The following RIT2 variants were observed in gnomAD, a reference collection of about 807,000 sequenced individuals.
RIT2 encodes GTP-binding protein Rit2.
A neutral mutation model predicts 23.7 loss-of-function variants in RIT2; 24 were observed. The ratio of observed to expected loss-of-function variants is 1.01; its 90% CI spans 0.73 to 1.43. RIT2 has a LOEUF of 1.43. Ranked by LOEUF, RIT2 falls within the 40% of genes most tolerant of loss-of-function variation. RIT2 has a pLI of 0.00. For missense variants in RIT2, 236 were observed against 266.9 expected, an observed-to-expected ratio of 0.88 and a Z score of 0.81; for synonymous variants, 107 against 91.1, an observed-to-expected ratio of 1.17 and a Z score of -0.99.
chr18:42,884,351 A>T (rs1486683677), intron 4 of RIT2, among the ~76,000 whole-genome samples: 1 of 152,238 alleles, frequency 6.6e-6, no homozygotes, highest in Non-Finnish European at 1.5e-5. Flanking sequence ...CATAACTATG[A>T]CAAACCCAAG....
intron 4 of RIT2, among the ~76,000 whole-genome samples, chr18:42,820,911 C>T (rs1488942453): frequency 4.6e-5 from 7 of 152,086 alleles, no homozygotes; most frequent in Non-Finnish European, 8.8e-5. Context: ...GTTTGGATAA[C>T]TGGGGTGGAT....
chr18:42,769,285 T>C (rs146667506), intron 4 of RIT2, among the ~76,000 whole-genome samples: 47 of 152,336 alleles, frequency 3.1e-4, no homozygotes, highest in African/African-American at 1.1e-3. Context: ...TGACTTTATT[T>C]TTTTAAACTT....
At chr18:42,942,583 C>G (rs1909630073) in intron 3 of RIT2, among the ~76,000 whole-genome samples, 1 of 152,060 alleles carries the variant, frequency 6.6e-6, no homozygotes, top group Admixed American at 6.6e-5. Flanking sequence ...TGCACATTCT[C>G]CCCATGTCCA....
chr18:43,069,541 T>C (rs916587796), intron 1 of RIT2, among the ~76,000 whole-genome samples: 9 of 152,184 alleles, frequency 5.9e-5, no homozygotes, highest in African/African-American at 1.9e-4. Flanking sequence ...GTCTCTACCA[T>C]GTTACCAACC....
chr18:43,092,725 A>G (rs1349628345), intron 1 of RIT2, among the ~76,000 whole-genome samples: 2 of 152,080 alleles, frequency 1.3e-5, no homozygotes, highest in African/African-American at 4.8e-5. Context: ...ACAGTTTCTC[A>G]ATATCAAGTA....
intron 3 of RIT2, among the ~76,000 whole-genome samples, chr18:42,973,257 A>ATATTT (rs1910402728): frequency 6.6e-6 from 1 of 151,644 alleles, no homozygotes; most frequent in Admixed American, 6.6e-5. Flanking sequence ...TTGATATCTG[A>ATATTT]TATTTTGATA....
At chr18:42,989,122 T>C (rs1271100391) in intron 2 of RIT2, among the ~76,000 whole-genome samples, 1 of 152,196 alleles carries the variant, frequency 6.6e-6, no homozygotes, top group African/African-American at 2.4e-5. Flanking sequence ...TGGACAATCC[T>C]TAATTTGTCA....
intron 4 of RIT2, among the ~76,000 whole-genome samples, chr18:42,841,773 G>A (rs1173849307): frequency 6.6e-6 from 1 of 152,106 alleles, no homozygotes; most frequent in African/African-American, 2.4e-5. Flanking sequence ...ATGCTTCCAT[G>A]ATTGTACAAG....
At chr18:42,803,635 T>C (rs1168126385) in intron 4 of RIT2, among the ~76,000 whole-genome samples, 1 of 152,212 alleles carries the variant, frequency 6.6e-6, no homozygotes, top group Non-Finnish European at 1.5e-5. Flanking sequence ...CCTTGGCAAC[T>C]CCACCTAATT....
intron 4 of RIT2, among the ~76,000 whole-genome samples, chr18:42,818,419 G>A (rs193234522): frequency 1.3e-5 from 2 of 152,136 alleles, no homozygotes; most frequent in African/African-American, 4.8e-5. Context: ...CACACATAAA[G>A]CAATTAGAAC....
chr18:43,076,337 C>T (rs905356592), intron 1 of RIT2, among the ~76,000 whole-genome samples: 2 of 151,950 alleles, frequency 1.3e-5, no homozygotes, highest in South Asian at 2.1e-4. Context: ...GTATTCTTTC[C>T]GTTAAATTGA....
At chr18:42,750,080 T>C (rs1339343572) in intron 4 of RIT2, among the ~76,000 whole-genome samples, 1 of 151,818 alleles carries the variant, frequency 6.6e-6, no homozygotes, top group African/African-American at 2.4e-5. Flanking sequence ...CTTACAAACA[T>C]AACAATGCTG....
chr18:42,879,840 C>T (rs1241541300), intron 4 of RIT2, among the ~76,000 whole-genome samples: 7 of 151,962 alleles, frequency 4.6e-5, no homozygotes, highest in Admixed American at 3.9e-4. Flanking sequence ...TTGCAGGCTT[C>T]GATTATGACA....
At chr18:42,790,856 G>A (rs1399754528) in intron 4 of RIT2, among the ~76,000 whole-genome samples, 1 of 152,202 alleles carries the variant, frequency 6.6e-6, no homozygotes, top group Non-Finnish European at 1.5e-5. Context: ...CAAAGAAGCT[G>A]AGACATTGTT....
At chr18:42,780,297 G>T (rs1180197912) in intron 4 of RIT2, among the ~76,000 whole-genome samples, 2 of 151,954 alleles carry the variant, frequency 1.3e-5, no homozygotes, top group Non-Finnish European at 2.9e-5. Context: ...AAGATTTCCT[G>T]ATTGACTGTT....
intron 1 of RIT2, among the ~76,000 whole-genome samples, chr18:43,056,691 A>C (rs1374091585): frequency 1.3e-5 from 2 of 152,130 alleles, no homozygotes; most frequent in Non-Finnish European, 2.9e-5. Context: ...TTGGGAGCAA[A>C]AGCCAAAGTC....
intron 4 of RIT2, among the ~76,000 whole-genome samples, chr18:42,887,426 T>C (rs551879948): frequency 5.9e-5 from 9 of 152,268 alleles, no homozygotes; most frequent in African/African-American, 2.2e-4. Flanking sequence ...AATAGAAAGT[T>C]TCAGACTTCA....
At chr18:42,938,220 CA>C (rs1369817730) in intron 3 of RIT2, among the ~76,000 whole-genome samples, 1 of 151,912 alleles carries the variant, frequency 6.6e-6, no homozygotes, top group Non-Finnish European at 1.5e-5. Flanking sequence ...TGAGTGTGGC[CA>C]AGGGGATAAA....
chr18:42,858,875 T>G (rs1345275979), intron 4 of RIT2, among the ~76,000 whole-genome samples: 4 of 152,202 alleles, frequency 2.6e-5, no homozygotes, highest in Non-Finnish European at 4.4e-5. Flanking sequence ...GTTGTACCAT[T>G]TATCAGTACT....
Sources: allele counts gnomAD v4.1 joint callset (sites outside exome capture counted in the v4.1 genomes callset), GRCh38; gene constraint gnomAD v4.1.1; transcripts MANE v1.5; gene names NCBI Gene and HGNC (gene_info 2026-07-23, HGNC 2026-07-21).